The following HPSE2 variants were observed in gnomAD, a reference collection of about 807,000 sequenced individuals.
The protein encoded by HPSE2 is heparanase 2 (inactive), also known as inactive heparanase-2.
HPSE2 carries 38 observed loss-of-function variants against 60.5 expected under a neutral mutation model. That is an observed-to-expected ratio of 0.63 (90% confidence interval 0.48 to 0.82). HPSE2 has a LOEUF of 0.82. Among genes scored for constraint, HPSE2 ranks in the 40% least tolerant of loss-of-function variants. The pLI is 0.00. For missense variants in HPSE2, 713 were observed against 740.4 expected (o/e 0.96, Z 0.43); for synonymous variants, 295 against 293.2 (o/e 1.01, Z -0.06).
intron 3 of HPSE2, among the ~76,000 whole-genome samples, chr10:98,903,872 T>C (rs1282689172): frequency 2.0e-5 from 3 of 152,136 alleles, no homozygotes; most frequent in African/African-American, 4.8e-5. Flanking sequence ...TTCAAGCATG[T>C]AAAAGTGCTA....
intron 9 of HPSE2, among the ~76,000 whole-genome samples, chr10:98,508,110 A>C (rs10786430): frequency 0.86 from 130,519 of 152,122 alleles, 57,306 homozygotes; most frequent in East Asian, 0.96. Flanking sequence ...ATTACAATTT[A>C]CAAGGGACAA....
intron 7 of HPSE2, among the ~76,000 whole-genome samples, chr10:98,621,985 G>A (rs978809309): frequency 7.2e-5 from 11 of 152,150 alleles, no homozygotes; most frequent in Admixed American, 6.5e-4. Context: ...TAGGTCCTAT[G>A]GCCCCCCAGC....
At chr10:98,623,375 G>T (rs2133992056) in intron 7 of HPSE2, among the ~76,000 whole-genome samples, 1 of 152,244 alleles carries the variant, frequency 6.6e-6, no homozygotes, top group East Asian at 1.9e-4. Flanking sequence ...TCAGTATGAG[G>T]TTTCTTTTGG....
intron 9 of HPSE2, among the ~76,000 whole-genome samples, chr10:98,550,472 ATTTTTT>A (rs34732107): frequency 7.0e-6 from 1 of 143,724 alleles, no homozygotes; most frequent in African/African-American, 2.5e-5. Flanking sequence ...TCTTTCTTAA[ATTTTTT>A]TTTTTTTTGA....
intron 2 of HPSE2, among the ~76,000 whole-genome samples, chr10:99,186,146 ACACACAC>A (rs1369374343): frequency 2.0e-5 from 3 of 149,948 alleles, no homozygotes; most frequent in Non-Finnish European, 4.4e-5. Context: ...ACACACACAC[ACACACAC>A]AAGGCATATC....
intron 2 of HPSE2, among the ~76,000 whole-genome samples, chr10:99,152,523 T>C (rs902545231): frequency 6.6e-6 from 1 of 152,092 alleles, no homozygotes; most frequent in Non-Finnish European, 1.5e-5. Context: ...TAAGATTATA[T>C]ATAGAAGAAA....
intron 3 of HPSE2, among the ~76,000 whole-genome samples, chr10:98,865,144 G>T (rs1289331385): frequency 6.6e-6 from 1 of 152,044 alleles, no homozygotes; most frequent in Non-Finnish European, 1.5e-5. Flanking sequence ...GAGGAACTAA[G>T]ACTTAAATTA....
rs35176062 is a variant in HPSE2, at chr10:98,776,278, CAAA to C, written c.611-32225_611-32223del. 2.4e-3 allele frequency among the ~76,000 whole-genome samples: 329 copies of C among 137,034 alleles called. 1 individual carries two copies. Among genetic ancestry groups the C allele is most frequent in the Middle Eastern group, 7.3e-3 (2 of 274 alleles). 89.9% of individuals were successfully genotyped at this position (137,034 alleles called of 152,430 possible). On this transcript the variant is annotated intron_variant, in intron 3 of 11. Coordinates refer to ENST00000370552, the MANE Select transcript of HPSE2 (RefSeq NM_021828.5). ...TGAAACCCCATCTCTACTAAAAATA[CAAA>C]AAAAAAAAAAAAAAATTCAGCTGGG...
At chr10:99,025,685 C>T (rs1320865812) in intron 3 of HPSE2, among the ~76,000 whole-genome samples, 2 of 151,984 alleles carry the variant, frequency 1.3e-5, no homozygotes, top group Non-Finnish European at 1.5e-5. Flanking sequence ...AAACAACAGA[C>T]ACTGGGTATA....
chr10:98,726,420 G>A (rs911361388), intron 4 of HPSE2, among the ~76,000 whole-genome samples: 71 of 148,824 alleles, frequency 4.8e-4, no homozygotes, highest in Non-Finnish European at 9.2e-4. Flanking sequence ...TCACTCACAG[G>A]TGGGAACTGA....
intron 9 of HPSE2, among the ~76,000 whole-genome samples, chr10:98,604,485 T>C (rs1002131181): frequency 2.0e-5 from 3 of 152,094 alleles, no homozygotes; most frequent in Non-Finnish European, 4.4e-5. Flanking sequence ...CAGGGCAGCA[T>C]ATCAGAGGAC....
At chr10:99,031,458 A>G (rs1400085429) in intron 3 of HPSE2, among the ~76,000 whole-genome samples, 1 of 152,202 alleles carries the variant, frequency 6.6e-6, no homozygotes, top group Non-Finnish European at 1.5e-5. Context: ...CCCTATCTCA[A>G]GGAGTTAGTG....
chr10:98,782,921 T>TTA (rs1565160315), intron 3 of HPSE2, among the ~76,000 whole-genome samples: 23 of 40,890 alleles, frequency 5.6e-4, no homozygotes, highest in Middle Eastern at 0.011. Flanking sequence ...TATTTTTTTT[T>TTA]TTTTATTTTT....
chr10:98,923,044 A>G (rs1042222542), intron 3 of HPSE2, among the ~76,000 whole-genome samples: 5 of 152,156 alleles, frequency 3.3e-5, no homozygotes, highest in South Asian at 2.1e-4. Flanking sequence ...ATTTTCTTTC[A>G]GATTGAAGAA....
chr10:99,208,694 A>AT (rs1848848770), intron 2 of HPSE2, among the ~76,000 whole-genome samples: 1 of 149,958 alleles, frequency 6.7e-6, no homozygotes, highest in Middle Eastern at 3.2e-3. Context: ...CAAAAAATAA[A>AT]AATAAAAAAA....
intron 2 of HPSE2, among the ~76,000 whole-genome samples, chr10:99,185,421 A>G (rs17111251): frequency 0.027 from 4,166 of 152,258 alleles, 191 homozygotes; most frequent in African/African-American, 0.095. Context: ...CCGAATTGCC[A>G]AAAACTGGAG....
At chr10:98,467,645 C>G (rs926019615) in intron 11 of HPSE2, among the ~76,000 whole-genome samples, 1 of 152,172 alleles carries the variant, frequency 6.6e-6, no homozygotes, top group Admixed American at 6.5e-5. Flanking sequence ...CACAATGGTG[C>G]CAGGACAGTC....
At chr10:98,465,182 GA>G (rs2133588354) in intron 11 of HPSE2, among the ~76,000 whole-genome samples, 1 of 152,214 alleles carries the variant, frequency 6.6e-6, no homozygotes, top group South Asian at 2.1e-4. Flanking sequence ...CTTTCATTTA[GA>G]TACATTGAAC....
At position 98,802,290 on chromosome 10, in the gene HPSE2, TTC is replaced by T. The variant is rs1305626161; in HGVS notation, c.611-58236_611-58235del. On this transcript the variant is annotated intron_variant, in intron 3 of 11. Transcript: ENST00000370552. The stretch of plus-strand genomic sequence containing the variant: ...AGGCAAAATTTCTTTTTTTTAAATT[TTC>T]TCTTTTTATTTTTTTTTTGAGTTAA... Among the ~76,000 whole-genome samples, 7 of 87,548 alleles carry T rather than the reference TTC, an allele frequency of 8.0e-5. No homozygotes were observed. The South Asian group carries it at 1.8e-3, about 23-fold the overall frequency. 57.4% of individuals were successfully genotyped at this position (87,548 alleles called of 152,430 possible).
Sources: allele counts gnomAD v4.1 joint callset (sites outside exome capture counted in the v4.1 genomes callset), GRCh38; gene constraint gnomAD v4.1.1; transcripts MANE v1.5; gene names NCBI Gene and HGNC (gene_info 2026-07-23, HGNC 2026-07-21).